Variants in C3orf22 observed in about 807,000 individuals in gnomAD.
C3orf22 encodes chromosome 3 open reading frame 22.
In C3orf22, 7 loss-of-function variants were observed where a neutral mutation model predicts 10.8. The ratio of observed to expected loss-of-function variants is 0.65; its 90% CI spans 0.37 to 1.22. The LOEUF is 1.22. Among genes scored for constraint, C3orf22 ranks in the 50% most tolerant of loss-of-function variants. The probability of loss-of-function intolerance (pLI) is 0.02; values close to 1 mark genes in which losing one functional copy is unlikely to be tolerated. For missense variants in C3orf22, 173 were observed against 177.0 expected (o/e 0.98, Z 0.13); for synonymous variants, 79 against 78.9 (o/e 1.00, Z 0.00).
chr3:126,536,142 T>G, intron 4 of C3orf22: 1 of 684,484 alleles, frequency 1.5e-6, no homozygotes, highest in Non-Finnish European at 2.6e-6. Flanking sequence ...CCCTAGGAGG[T>G]AGGCAAGATC....
chr3:126,541,976 G>A, intron 4 of C3orf22: 4 of 1,577,560 alleles, frequency 2.5e-6, no homozygotes, highest in Non-Finnish European at 3.4e-6. Flanking sequence ...CTCCGCGCAA[G>A]AGGCGCACGC....
chr3:126,541,811 C>G (rs1936963024), intron 4 of C3orf22: 1 of 1,558,080 alleles, frequency 6.4e-7, no homozygotes, highest in Non-Finnish European at 8.7e-7. Flanking sequence ...CCACTCACGC[C>G]GGCAGCGCCT....
At chr3:126,553,272 C>A in intron 2 of C3orf22, 30 bp downstream of exon 2, 1 of 1,509,904 alleles carries the variant, frequency 6.6e-7, no homozygotes, top group Non-Finnish European at 9.2e-7. Context: ...GGAGGCAGGG[C>A]TTGTCTCCAG....
chr3:126,551,965 G>C (rs780055563), intron 3 of C3orf22, 32 bp downstream of exon 3: 1 of 1,570,808 alleles, frequency 6.4e-7, no homozygotes, highest in South Asian at 1.2e-5. Flanking sequence ...CACACAGCCA[G>C]TGGGGGTGGT....
At chr3:126,542,222 C>G in intron 4 of C3orf22, 2 of 1,487,874 alleles carry the variant, frequency 1.3e-6, no homozygotes, top group Non-Finnish European at 1.8e-6. Context: ...CCACGACGTG[C>G]GCTTCGCGGA....
At position 126,528,979 on chromosome 3, in the gene C3orf22, G is replaced by A. The variant is rs73859517; in HGVS notation, c.*218+153C>T. On this transcript the variant is annotated intron_variant and NMD_transcript_variant, in intron 5 of 5. Transcript: ENST00000505070. ...CGTGGGAACCTATGCCTGCTGGCAG[G>A]AGCTTGCTGGGGCCTGGCTGCCCTG... Among the ~76,000 whole-genome samples, 865 of 152,338 alleles carry A rather than the reference G, an allele frequency of 5.7e-3. 10 individuals carry two copies. Among genetic ancestry groups the A allele is most frequent in the African/African-American group, 0.02 (811 of 41,578 alleles).
At chr3:126,551,369 C>G (rs1032100077) in intron 3 of C3orf22, among the ~76,000 whole-genome samples, 1 of 152,222 alleles carries the variant, frequency 6.6e-6, no homozygotes, top group African/African-American at 2.4e-5. Flanking sequence ...TGCCACACAG[C>G]TGTTCCCCGT....
intron 4 of C3orf22, among the ~76,000 whole-genome samples, chr3:126,538,562 G>C (rs1371704195): frequency 2.0e-5 from 3 of 152,236 alleles, no homozygotes; most frequent in African/African-American, 7.2e-5. Context: ...GGGTCGGCCA[G>C]CAAGGAAGGA....
chr3:126,555,122 G>A (rs1483917702), intron 1 of C3orf22, among the ~76,000 whole-genome samples: 1 of 152,240 alleles, frequency 6.6e-6, no homozygotes, highest in African/African-American at 2.4e-5. Flanking sequence ...GAAGTCTGCT[G>A]CTTCCCTGGG....
intron 4 of C3orf22, among the ~76,000 whole-genome samples, chr3:126,533,531 AT>A (rs1488433737): frequency 6.6e-6 from 1 of 152,054 alleles, no homozygotes; most frequent in Non-Finnish European, 1.5e-5. Flanking sequence ...ACATTGATTG[AT>A]TTGTGTATAT....
intron 4 of C3orf22, among the ~76,000 whole-genome samples, chr3:126,531,641 T>A (rs1046551461): frequency 1.3e-5 from 2 of 152,266 alleles, no homozygotes; most frequent in African/African-American, 4.8e-5. Context: ...CATGAGCCAA[T>A]TCTTCATTCC....
intron 1 of C3orf22, among the ~76,000 whole-genome samples, chr3:126,556,078 T>G (rs1358452961): frequency 2.0e-5 from 3 of 152,200 alleles, no homozygotes; most frequent in Non-Finnish European, 4.4e-5. Context: ...ACTGCTTTGG[T>G]GGGGATGCCC....
chr3:126,534,212 A>G (rs1422442908), intron 4 of C3orf22, among the ~76,000 whole-genome samples: 2 of 152,238 alleles, frequency 1.3e-5, no homozygotes, highest in East Asian at 3.8e-4. Flanking sequence ...CATATTTCTG[A>G]AAATGGGATC....
intron 2 of C3orf22, among the ~76,000 whole-genome samples, chr3:126,552,574 G>A (rs908265136): frequency 2.6e-5 from 4 of 152,224 alleles, no homozygotes; most frequent in Admixed American, 6.5e-5. Context: ...CAGCTGGCCC[G>A]GCACAGGGAC....
At chr3:126,536,431 C>A in intron 4 of C3orf22, 1 of 1,129,736 alleles carries the variant, frequency 8.9e-7, no homozygotes, top group Non-Finnish European at 1.3e-6. Context: ...TGCAGACCTG[C>A]TGGCATGAGA....
downstream of C3orf22, among the ~76,000 whole-genome samples, chr3:126,546,283 T>C (rs1283596406): frequency 6.6e-6 from 1 of 152,194 alleles, no homozygotes; most frequent in Admixed American, 6.5e-5. Context: ...CGATAAATGC[T>C]CCAGCTTTTA....
chr3:126,541,519 A>G (rs997648124), intron 4 of C3orf22, among the ~76,000 whole-genome samples: 3 of 152,188 alleles, frequency 2.0e-5, no homozygotes, highest in Admixed American at 6.5e-5. Flanking sequence ...CAGCCTCAGC[A>G]AAGTCAGAAT....
At chr3:126,539,701 A>C (rs1162491989) in intron 4 of C3orf22, among the ~76,000 whole-genome samples, 3 of 106,886 alleles carry the variant, frequency 2.8e-5, no homozygotes, top group Admixed American at 9.6e-5. Context: ...CACACACACC[A>C]CACACATATG....
chr3:126,542,187 C>A lies in C3orf22; in HGVS notation c.286+7350G>T. On this transcript the variant is annotated intron_variant and NMD_transcript_variant, in intron 4 of 5. Transcript: ENST00000505070. ...ATCGTTCAGCGCCTGCGGCCGCGCG[C>A]GCTCCCCGACGCCCGGGCCCGCGGC... The A allele has an allele frequency of 1.4e-6, 2 of 1,438,420 alleles. No homozygotes were observed. The highest frequency in any genetic ancestry group is 3.0e-5 in the Admixed American group (1 of 33,424). 89.1% of individuals were successfully genotyped at this position (1,438,420 alleles called of 1,614,324 possible).
Sources: allele counts gnomAD v4.1 joint callset (sites outside exome capture counted in the v4.1 genomes callset), GRCh38; gene constraint gnomAD v4.1.1; transcripts MANE v1.5; gene names NCBI Gene and HGNC (gene_info 2026-07-23, HGNC 2026-07-21).